CD9: variants seen among roughly 807,000 people sequenced by gnomAD.
CD9 encodes the protein CD9 molecule, also known as CD9 antigen.
In CD9, 10 loss-of-function variants were observed where a neutral mutation model predicts 31.4. The ratio of observed to expected loss-of-function variants is 0.32; its 90% CI spans 0.20 to 0.54. The LOEUF (loss-of-function observed/expected upper bound fraction) is 0.54, where lower values mean the gene tolerates loss of function less well. CD9 is among the 20% of genes least tolerant of loss of function. The probability of loss-of-function intolerance (pLI) is 0.94; values close to 1 mark genes in which losing one functional copy is unlikely to be tolerated. For missense variants in CD9, 259 were observed against 300.1 expected, an observed-to-expected ratio of 0.86 and a Z score of 1.01; for synonymous variants, 113 against 114.1, an observed-to-expected ratio of 0.99 and a Z score of 0.06.
intron 3 of CD9, chr12:6,233,114 A>C: frequency 1.4e-6 from 1 of 699,150 alleles, no homozygotes; most frequent in South Asian, 1.5e-5. Flanking sequence ...TTTTGTGAAC[A>C]ATAGTAGTTG....
In CD9 at chr12:6,232,930, C is replaced by G. The variant is rs1033338443; in HGVS notation, c.273+201C>G. 1.4e-6 allele frequency: 1 copy of G among 702,768 alleles called. No homozygotes were observed. The highest frequency in any genetic ancestry group is 1.7e-5 in the African/African-American group (1 of 57,374). The allele number at this position is 702,768 out of a possible 1,614,324, so 43.5% of individuals were successfully genotyped here. A position where few individuals can be genotyped will look rare whatever the true frequency, so the allele number is the denominator to read the frequency against. ...CTTTCTGGAGCCTGTCTTATCGCTT[C>G]CCCTAGGCAACTAAAAGGACTATGT... On this transcript the variant is annotated intron_variant, in intron 3 of 7. Transcript: ENST00000009180. The surrounding 1 kb of genome is among the most constrained non-coding windows in gnomAD (Gnocchi z 4.8).
chr12:6,211,737 G>T (rs1309642112), intron 1 of CD9, among the ~76,000 whole-genome samples: 7 of 152,226 alleles, frequency 4.6e-5, no homozygotes, highest in Non-Finnish European at 8.8e-5. Flanking sequence ...GATGATTTTG[G>T]TTAAGATCAG....
At chr12:6,204,868 G>A (rs1309943946) in intron 1 of CD9, among the ~76,000 whole-genome samples, 1 of 152,162 alleles carries the variant, frequency 6.6e-6, no homozygotes, top group Admixed American at 6.5e-5. Flanking sequence ...CCACACACTG[G>A]CCTCCCTGCC....
chr12:6,201,316 G>A (rs547964117), intron 1 of CD9, among the ~76,000 whole-genome samples: 90 of 152,334 alleles, frequency 5.9e-4, no homozygotes, highest in Non-Finnish European at 7.2e-4. Flanking sequence ...CAGAGTTCGG[G>A]AGAGGAGGGG....
At position 6,232,135 on chromosome 12, in the gene CD9, C is replaced by A. The variant is rs1018163444; in HGVS notation, c.176-497C>A. 3 of 172,980 alleles carry A rather than the reference C, an allele frequency of 1.7e-5. No individual in the cohort carries two copies. In the South Asian group the frequency reaches 3.5e-4, roughly 20 times the overall value. The allele number at this position is 172,980 out of a possible 1,614,324, so 10.7% of individuals were successfully genotyped here. On this transcript the variant is annotated intron_variant, in intron 2 of 7. Transcript: ENST00000009180. This position sits in a 1 kb window ranked among gnomAD's most constrained non-coding sequence, Gnocchi z 4.8. ...GGGAACAGGCAGAGTTGGTTCCCCC[C>A]ACCCCTGGGTAGGGGGGTGCCTAGG...
In CD9 at chr12:6,232,915, C is replaced by G. The variant is rs769953955; in HGVS notation, c.273+186C>G. On this transcript the variant is annotated intron_variant, in intron 3 of 7. Coordinates refer to ENST00000009180, the MANE Select transcript of CD9 (RefSeq NM_001769.4). The surrounding 1 kb of genome is among the most constrained non-coding windows in gnomAD (Gnocchi z 4.8). ...GCGTCGCCCCTCTTCCTTTCTGGAG[C>G]CTGTCTTATCGCTTCCCCTAGGCAA... 6 of 702,838 alleles carry G rather than the reference C, an allele frequency of 8.5e-6. No individual in the cohort carries two copies. The highest frequency in any genetic ancestry group is 5.2e-5 in the African/African-American group (3 of 57,244). The allele number at this position is 702,838 out of a possible 1,614,324, so 43.5% of individuals were successfully genotyped here. A position where few individuals can be genotyped will look rare whatever the true frequency, so the allele number is the denominator to read the frequency against.
chr12:6,200,844 G>A (rs972338603), intron 1 of CD9: 20 of 382,048 alleles, frequency 5.2e-5, no homozygotes, highest in Non-Finnish European at 8.9e-5. Flanking sequence ...AGGGTCCTGA[G>A]CACTTTAGCT....
chr12:6,200,589 GC>G, intron 1 of CD9, 24 bp downstream of exon 1: 2 of 1,563,202 alleles, frequency 1.3e-6, no homozygotes, highest in Non-Finnish European at 1.8e-6. Context: ...ACTGCCGCGC[GC>G]TCCTCTCAGG....
Position 6,237,807 on chromosome 12 carries a change from C to T in CD9, c.666C>T (p.Arg222=), listed in dbSNP as rs751973618. The T allele has an allele frequency of 6.2e-7, 1 of 1,613,104 alleles. No homozygotes were observed. The highest frequency in any genetic ancestry group is 1.3e-5 in the African/African-American group (1 of 74,912). ...GTATGATCTTGTGCTGTGCTATCCG[C>T]AGGAACCGCGAGATGGTCTAGAGTC... The part of the protein sequence containing the change: ...IFSMILCCAI[R]RNREMV The change falls in exon 8 of 8, where the codon CGC becomes CGT. Residue 222 remains arginine (R), a synonymous_variant. Coordinates refer to ENST00000009180, the MANE Select transcript of CD9 (RefSeq NM_001769.4).
intron 4 of CD9, chr12:6,234,219 GGACCA>G (rs1167981881): frequency 6.6e-6 from 1 of 151,916 alleles, no homozygotes; most frequent in Non-Finnish European, 1.5e-5. Context: ...GCAGAGTTTT[GGACCA>G]GGATGGGCCA....
chr12:6,205,732 G>GATTGA (rs1946123535), intron 1 of CD9, among the ~76,000 whole-genome samples: 1 of 152,192 alleles, frequency 6.6e-6, no homozygotes, highest in African/African-American at 2.4e-5. Context: ...ATTGACAAAG[G>GATTGA]CGCCTTTTCT....
chr12:6,221,470 G>A (rs2136619246), intron 1 of CD9, among the ~76,000 whole-genome samples: 1 of 152,276 alleles, frequency 6.6e-6, no homozygotes, highest in African/African-American at 2.4e-5. Context: ...TGATAGGCTG[G>A]GGTGGGGCAG....
intron 2 of CD9, 156 bp downstream of exon 2, chr12:6,225,690 TTG>T: frequency 1.7e-6 from 1 of 597,152 alleles, no homozygotes; most frequent in South Asian, 2.0e-5. Context: ...TGTGCAGTTT[TTG>T]TGTGTGTCGT....
intron 1 of CD9, among the ~76,000 whole-genome samples, chr12:6,202,735 A>G (rs11568199): frequency 1.3e-5 from 2 of 152,170 alleles, no homozygotes; most frequent in East Asian, 1.9e-4. Flanking sequence ...CTGATGACCT[A>G]TGTAGTCTGA....
chr12:6,228,916 A>G (rs1946405242), intron 2 of CD9, among the ~76,000 whole-genome samples: 1 of 152,254 alleles, frequency 6.6e-6, no homozygotes, highest in Admixed American at 6.5e-5. Flanking sequence ...TGAACAGCCC[A>G]GGGGTGTCTT....
At chr12:6,200,864 T>TTTG in intron 1 of CD9, 1 of 327,626 alleles carries the variant, frequency 3.1e-6, no homozygotes, top group Non-Finnish European at 5.5e-6. Flanking sequence ...TCGCCTAGGA[T>TTTG]TTGAGCTGGG....
chr12:6,218,294 C>T (rs1946261783), intron 1 of CD9, among the ~76,000 whole-genome samples: 1 of 151,832 alleles, frequency 6.6e-6, no homozygotes, highest in Non-Finnish European at 1.5e-5. Context: ...GAAAAGGGGG[C>T]CCACGCCAAG....
chr12:6,233,123 T>G, intron 3 of CD9: 1 of 695,950 alleles, frequency 1.4e-6, no homozygotes, highest in Non-Finnish European at 2.6e-6. Flanking sequence ...CAATAGTAGT[T>G]GCCTGCTCAC....
chr12:6,200,454 C>T lies in CD9; in HGVS notation c.-46C>T, dbSNP rs754982446. On this transcript the variant is annotated 5_prime_UTR_variant, in exon 1 of 8. Transcript: ENST00000009180. Reference sequence around the variant, plus strand: ...TCCCGCCAGTCCCAGCTGCGCGCGCCCCCCAGTCCCGCACCCGTTCGGCCC... The same window carrying T: ...TCCCGCCAGTCCCAGCTGCGCGCGCTCCCCAGTCCCGCACCCGTTCGGCCC... 17 of 1,342,290 alleles carry T rather than the reference C, an allele frequency of 1.3e-5. No homozygotes were observed. The highest frequency in any genetic ancestry group is 1.5e-5 in the Non-Finnish European group (14 of 935,054). The allele number at this position is 1,342,290 out of a possible 1,614,324, so 83.1% of individuals were successfully genotyped here. A position where few individuals can be genotyped will look rare whatever the true frequency, so the allele number is the denominator to read the frequency against.
Sources: allele counts gnomAD v4.1 joint callset (sites outside exome capture counted in the v4.1 genomes callset), GRCh38; gene constraint gnomAD v4.1.1; non-coding constraint Gnocchi (gnomAD v3.1); transcripts MANE v1.5; gene names NCBI Gene and HGNC (gene_info 2026-07-23, HGNC 2026-07-21).